LIMCH1: variants seen among roughly 807,000 people sequenced by gnomAD.
The protein encoded by LIMCH1 is LIM and calponin homology domains 1, also known as LIM and calponin homology domains-containing protein 1.
A neutral mutation model predicts 176.5 loss-of-function variants in LIMCH1; 113 were observed. The observed-to-expected ratio is 0.64, with a 90% CI of 0.55 to 0.75. The LOEUF (loss-of-function observed/expected upper bound fraction) is 0.75. LIMCH1 is among the 30% of genes least tolerant of loss of function. The pLI is 0.00. For synonymous variants in LIMCH1, 619 were observed against 645.9 expected, an observed-to-expected ratio of 0.96 and a Z score of 0.63; for missense variants, 1,674 against 1,814.9, an observed-to-expected ratio of 0.92 and a Z score of 1.41.
chr4:41,482,171 A>T (rs149564892), intron 1 of LIMCH1, among the ~76,000 whole-genome samples: 1 of 152,272 alleles, frequency 6.6e-6, no homozygotes, highest in East Asian at 1.9e-4. Context: ...CCTGGCCTGA[A>T]ATAGTTCTTA....
chr4:41,670,928 A>G, intron 21 of LIMCH1: 1 of 1,402,780 alleles, frequency 7.1e-7, no homozygotes, highest in Non-Finnish European at 9.2e-7. Context: ...GCAAAGAGCT[A>G]GTTCTTTTAT....
intron 1 of LIMCH1, among the ~76,000 whole-genome samples, chr4:41,569,444 A>G (rs769554270): frequency 1.3e-5 from 2 of 152,052 alleles, no homozygotes; most frequent in African/African-American, 2.4e-5. Flanking sequence ...TTCCTTCATC[A>G]CTCAGATACC....
In LIMCH1 at chr4:41,680,944, C is replaced by T. The variant is rs376778215; in HGVS notation, c.3613-11C>T. The T allele has an allele frequency of 2.4e-5, 35 of 1,476,092 alleles. No homozygotes were observed. The highest frequency in any genetic ancestry group is 3.0e-5 in the Non-Finnish European group (32 of 1,061,588). The allele number at this position is 1,476,092 out of a possible 1,614,324, so 91.4% of individuals were successfully genotyped here. Reference sequence around the variant, plus strand: ...TTCCCCCCTTTCATCGATTCCTGTCCTTCCCCTTAGGAGCGTAAGATAATT... The same window carrying T: ...TTCCCCCCTTTCATCGATTCCTGTCTTTCCCCTTAGGAGCGTAAGATAATT... On this transcript the variant is annotated splice_polypyrimidine_tract_variant and intron_variant, in intron 24 of 31. Transcript: ENST00000503057.
At chr4:41,521,632 T>C (rs1271455839) in intron 2 of LIMCH1, among the ~76,000 whole-genome samples, 1 of 152,180 alleles carries the variant, frequency 6.6e-6, no homozygotes, top group Non-Finnish European at 1.5e-5. Flanking sequence ...TTCAATGTTA[T>C]CTTTTATTGT....
At chr4:41,606,370 T>C (rs1365079792) in intron 4 of LIMCH1, among the ~76,000 whole-genome samples, 1 of 152,220 alleles carries the variant, frequency 6.6e-6, no homozygotes, top group African/African-American at 2.4e-5. Flanking sequence ...AGACTCGCTC[T>C]GCACTTTTGT....
At chr4:41,575,271 T>G (rs2084276561) in intron 1 of LIMCH1, among the ~76,000 whole-genome samples, 1 of 152,248 alleles carries the variant, frequency 6.6e-6, no homozygotes. Context: ...ACCTGTTAGC[T>G]CTGTATTATT....
intron 1 of LIMCH1, chr4:41,494,456 C>T: frequency 3.2e-6 from 3 of 925,998 alleles, no homozygotes; most frequent in Non-Finnish European, 5.2e-6. Context: ...CACACACATA[C>T]ACACACACAT....
intron 1 of LIMCH1, among the ~76,000 whole-genome samples, chr4:41,584,671 G>C (rs2086129459): frequency 6.6e-6 from 1 of 151,706 alleles, no homozygotes; most frequent in African/African-American, 2.4e-5. Flanking sequence ...GTTTATTGCT[G>C]TTTTTTTTGT....
chr4:41,659,964 T>A (rs2094565640), intron 18 of LIMCH1, among the ~76,000 whole-genome samples: 1 of 152,130 alleles, frequency 6.6e-6, no homozygotes, highest in Non-Finnish European at 1.5e-5. Context: ...ACATAGTCAT[T>A]ATAGAACATT....
chr4:41,640,106 G>T (rs1189792383), intron 14 of LIMCH1, among the ~76,000 whole-genome samples: 1 of 152,212 alleles, frequency 6.6e-6, no homozygotes, highest in Non-Finnish European at 1.5e-5. Context: ...AGTTTCCCAT[G>T]TGTGATCTGA....
intron 13 of LIMCH1, among the ~76,000 whole-genome samples, chr4:41,635,629 T>C (rs2093548704): frequency 6.6e-6 from 1 of 152,222 alleles, no homozygotes; most frequent in South Asian, 2.1e-4. Context: ...CTATGTGACA[T>C]ATTGTGTGAA....
At chr4:41,608,592 T>C (rs1024284745) in intron 4 of LIMCH1, among the ~76,000 whole-genome samples, 1 of 152,362 alleles carries the variant, frequency 6.6e-6, no homozygotes, top group South Asian at 2.1e-4. Context: ...TGTTAAGTTC[T>C]ATAGTAAAGG....
At chr4:41,616,235 TG>T (rs1408293142) in intron 5 of LIMCH1, among the ~76,000 whole-genome samples, 3 of 151,812 alleles carry the variant, frequency 2.0e-5, no homozygotes, top group Admixed American at 2.0e-4. Flanking sequence ...AGCGAAGGGT[TG>T]GGGGTGTGTA....
At chr4:41,655,076 T>C (rs1388923106) in intron 18 of LIMCH1, among the ~76,000 whole-genome samples, 1 of 152,210 alleles carries the variant, frequency 6.6e-6, no homozygotes, top group Non-Finnish European at 1.5e-5. Flanking sequence ...AGAAAGATAT[T>C]TTTATGTATG....
chr4:41,683,099 T>C (rs1253500887), intron 26 of LIMCH1, among the ~76,000 whole-genome samples: 1 of 152,182 alleles, frequency 6.6e-6, no homozygotes, highest in Non-Finnish European at 1.5e-5. Flanking sequence ...TGAATGTGTC[T>C]GGAGTGATAG....
At chr4:41,361,813 T>C (rs536501085) in intron 1 of LIMCH1, among the ~76,000 whole-genome samples, 3 of 150,966 alleles carry the variant, frequency 2.0e-5, no homozygotes, top group Admixed American at 6.6e-5. Flanking sequence ...TTGAAGGGCA[T>C]GAAGGGGAAA....
intron 8 of LIMCH1, among the ~76,000 whole-genome samples, chr4:41,628,420 A>T (rs1270945467): frequency 8.6e-6 from 1 of 115,782 alleles, no homozygotes; most frequent in African/African-American, 8.4e-5. Context: ...AACTTATTAA[A>T]AAAAAAAAAA....
chr4:41,452,384 G>T (rs894299854), intron 1 of LIMCH1, among the ~76,000 whole-genome samples: 2 of 152,140 alleles, frequency 1.3e-5, no homozygotes, highest in Admixed American at 6.6e-5. Context: ...ATGGCCCCTA[G>T]AGCACTTCAT....
At chr4:41,406,966 C>T (rs921763347) in intron 1 of LIMCH1, among the ~76,000 whole-genome samples, 1 of 152,126 alleles carries the variant, frequency 6.6e-6, no homozygotes, top group Non-Finnish European at 1.5e-5. Flanking sequence ...TTTGAGAGCA[C>T]GGGTACGAGT....
Sources: allele counts gnomAD v4.1 joint callset (sites outside exome capture counted in the v4.1 genomes callset), GRCh38; gene constraint gnomAD v4.1.1; transcripts MANE v1.5; gene names NCBI Gene and HGNC (gene_info 2026-07-23, HGNC 2026-07-21).